EPPK1: variants seen among roughly 807,000 people sequenced by gnomAD.
EPPK1 encodes the protein epiplakin.
For synonymous variants in EPPK1, 1,862 were observed against 1,721.2 expected, an observed-to-expected ratio of 1.08 and a Z score of -2.03; for missense variants, 3,823 against 3,673.3, an observed-to-expected ratio of 1.04 and a Z score of -1.05.
chr8:143,868,843 C>A lies in EPPK1; in HGVS notation c.4411G>T (p.Asp1471Tyr). The part of the protein sequence containing the change: ...RFKGCSVSLW[D>Y]LLLSEYVGAD... Reference sequence around the variant, plus strand: ...CCAACGTATTCGGAGAGCAGCAGGTCCCAGAGTGACACGCTACACCCCTTA... The same window carrying A: ...CCAACGTATTCGGAGAGCAGCAGGTACCAGAGTGACACGCTACACCCCTTA... Residue 1471 changes from aspartate (D) to tyrosine (Y), a missense_variant, in exon 2 of 2, where the codon GAC becomes TAC. Transcript: ENST00000615648. 6.2e-7 allele frequency: 1 copy of A among 1,607,850 alleles called. No individual in the cohort carries two copies. Among genetic ancestry groups the A allele is most frequent in the Admixed American group, 1.7e-5 (1 of 59,932 alleles).
Position 143,868,888 on chromosome 8 carries a change from G to T in EPPK1, c.4366C>A (p.Pro1456Thr). The change falls in exon 2 of 2, where the codon CCC becomes ACC. Residue 1456 changes from proline (P) to threonine (T), a missense_variant. Transcript: ENST00000615648. Reference sequence around the variant, plus strand: ...CCCTTAAACCTCCCTGTGCTGACGGGCACCTTCATGGCCCTCAGAGCCACC... The same window carrying T: ...CCCTTAAACCTCCCTGTGCTGACGGTCACCTTCATGGCCCTCAGAGCCACC... ...TAVALRAMKV[P>T]VSTGRFKGCS... The T allele has an allele frequency of 6.2e-7, 1 of 1,610,846 alleles. No homozygotes were observed.
rs782567976 is a variant in EPPK1 at position 143,869,947 on chromosome 8, G to A, written c.3307C>T (p.Pro1103Ser). 7 of 1,608,548 alleles carry A rather than the reference G, an allele frequency of 4.4e-6. No homozygotes were observed. In the South Asian group the frequency reaches 7.8e-5, roughly 18 times the overall value. The change falls in exon 2 of 2, where the codon CCC becomes TCC. Residue 1103 changes from proline (P) to serine (S), a missense_variant. Transcript: ENST00000615648. ...TSYAQLLEEC[P>S]RDETSGLHLL... ...TGAAGGCCAGAAGTCTCATCCCTGG[G>A]GCACTCCTCCAGGAGCTGGGCATAG...
At position 143,870,882 on chromosome 8, in the gene EPPK1, G is replaced by A. The variant is rs560900428; in HGVS notation, c.2372C>T (p.Thr791Met). 31 of 1,612,990 alleles carry A rather than the reference G, an allele frequency of 1.9e-5. No individual in the cohort carries two copies. The highest frequency in any genetic ancestry group is 2.5e-5 in the Non-Finnish European group (30 of 1,179,990). The change falls in exon 2 of 2, where the codon ACG becomes ATG. Residue 791 changes from threonine (T) to methionine (M), a missense_variant. By Grantham distance (81) the Thr-to-Met change is moderately conservative. Transcript: ENST00000615648. This position sits in a 1 kb window ranked among gnomAD's most constrained non-coding sequence, Gnocchi z 5.2. The stretch of plus-strand genomic sequence containing the variant: ...GCTGAGTGGCAGGAGGTACAGGCCC[G>A]TCTCGGGGTCACGCACACAGCGCTC... ...LLERCVRDPE[T>M]GLYLLPLSST...
chr8:143,879,072 C>G (rs1819547744), upstream of EPPK1, among the ~76,000 whole-genome samples: 1 of 152,216 alleles, frequency 6.6e-6, no homozygotes, highest in South Asian at 2.1e-4. Flanking sequence ...CTCTGAAGCC[C>G]ATCCTGGCAC....
chr8:143,870,770 C>T lies in EPPK1; in HGVS notation c.2484G>A (p.Gly828=). The change falls in exon 2 of 2, where the codon GGG becomes GGA. Residue 828 remains glycine, a synonymous_variant. Transcript: ENST00000615648. This position sits in a 1 kb window ranked among gnomAD's most constrained non-coding sequence, Gnocchi z 5.2. ...LLSVKYGRFQ[G]QRVSAWELIN... ...TCAGCTCCCACGCGGAGACCCTCTG[C>T]CCCTGAAACCGTCCATACTTCACGG... is the stretch of plus-strand genomic sequence containing the variant. The T allele has an allele frequency of 2.5e-6, 4 of 1,612,646 alleles. No individual in the cohort carries two copies. The highest frequency in any genetic ancestry group is 3.4e-6 in the Non-Finnish European group (4 of 1,179,836).
chr8:143,877,344 G>A (rs907520787), intron 1 of EPPK1, among the ~76,000 whole-genome samples: 1 of 152,190 alleles, frequency 6.6e-6, no homozygotes. Context: ...GGCAGGGGGT[G>A]CAGCTTCGAG....
Position 143,868,751 on chromosome 8 carries a change from C to T in EPPK1, c.4503G>A (p.Val1501=). The T allele has an allele frequency of 6.3e-7, 1 of 1,585,146 alleles. No homozygotes were observed. The highest frequency in any genetic ancestry group is 8.5e-7 in the Non-Finnish European group (1 of 1,170,874). Residue 1501 remains valine (V), a synonymous_variant, in exon 2 of 2, where the codon GTG becomes GTA. Coordinates refer to ENST00000615648, the MANE Select transcript of EPPK1 (RefSeq NM_031308.4). ...CGACCAGGGTGGTGACTGCGCTGAC[C>T]ACCTGCCGCAGGGCCGCAGCCCTCC... is the stretch of plus-strand genomic sequence containing the variant. ...RSGRAAALRQ[V]VSAVTTLVEA...
chr8:143,868,234 G>A lies in EPPK1; in HGVS notation c.5020C>T (p.Arg1674Trp), dbSNP rs781997290. 83 of 1,613,198 alleles carry A rather than the reference G, an allele frequency of 5.1e-5. No homozygotes were observed. The highest frequency in any genetic ancestry group is 8.9e-5 in the East Asian group (4 of 44,882). Reference protein sequence around the residue: ...FQAMQKDLIVREHGIRLLEAQ... With the variant: ...FQAMQKDLIVWEHGIRLLEAQ... ...TCCAGCAGGCGGATGCCGTGCTCCC[G>A]GACGATGAGGTCCTTCTGCATGGCC... Residue 1674 changes from arginine to tryptophan, a missense_variant, in exon 2 of 2, where the codon CGG becomes TGG. Coordinates refer to ENST00000615648, the MANE Select transcript of EPPK1 (RefSeq NM_031308.4).
At position 143,866,564 on chromosome 8, in the gene EPPK1, C is replaced by T; in HGVS notation, c.6690G>A (p.Leu2230=). Residue 2230 remains leucine (L), a synonymous_variant, in exon 2 of 2, where the codon CTG becomes CTA. Coordinates refer to ENST00000615648, the MANE Select transcript of EPPK1 (RefSeq NM_031308.4). ...GGCCGGGCTGGTCCTTGGCGGGCAC[C>T]AGGACGCCCGCGATGCAGCTGGTGC... is the stretch of plus-strand genomic sequence containing the variant. The part of the protein sequence containing the change: ...LEGTSCIAGV[L]VPAKDQPGRQ... 1 of 1,607,936 alleles carries T rather than the reference C, an allele frequency of 6.2e-7. No homozygotes were observed. The highest frequency in any genetic ancestry group is 8.5e-7 in the Non-Finnish European group (1 of 1,177,642).
At position 143,868,497 on chromosome 8, in the gene EPPK1, C is replaced by T. The variant is rs1819218912; in HGVS notation, c.4757G>A (p.Ser1586Asn). Residue 1586 changes from serine (S) to asparagine (N), a missense_variant, in exon 2 of 2, where the codon AGC becomes AAC. Coordinates refer to ENST00000615648, the MANE Select transcript of EPPK1 (RefSeq NM_031308.4). ...GTGCCTCCTCAGGGCCTCTGGGATG[C>T]TCATCCTCTCCTGGGTGCCCTGGAT... ...VLIQGTQERM[S>N]IPEALRRHIL... is the part of the protein sequence containing the mutation. 1 of 1,610,762 alleles carries T rather than the reference C, an allele frequency of 6.2e-7. No homozygotes were observed. The highest frequency in any genetic ancestry group is 8.5e-7 in the Non-Finnish European group (1 of 1,179,198).
chr8:143,866,920 C>T lies in EPPK1; in HGVS notation c.6334G>A (p.Val2112Met), dbSNP rs782626446. 1.9e-6 allele frequency: 3 copies of T among 1,612,898 alleles called. No individual in the cohort carries two copies. The highest frequency in any genetic ancestry group is 2.5e-6 in the Non-Finnish European group (3 of 1,179,886). ...GGTTTCTGGCCTCTGAACCTTCCCA[C>T]TGTGATTTCCACTTGCTCTGCCTCC... ...ALEAEQVEITVGRFRGQKPTL... is the reference protein window; with the variant it reads ...ALEAEQVEITMGRFRGQKPTL... Residue 2112 changes from valine (V) to methionine (M), a missense_variant, in exon 2 of 2, where the codon GTG becomes ATG. By Grantham distance (21) the Val-to-Met change is conservative. Coordinates refer to ENST00000615648, the MANE Select transcript of EPPK1 (RefSeq NM_031308.4).
At position 143,873,051 on chromosome 8, in the gene EPPK1, G is replaced by T; in HGVS notation, c.203C>A (p.Ala68Asp). The change falls in exon 2 of 2, where the codon GCT becomes GAT. Residue 68 changes from alanine (A) to aspartate (D), a missense_variant. Ala to Asp is a moderately radical substitution (Grantham distance 126, BLOSUM62 -2). Coordinates refer to ENST00000615648, the MANE Select transcript of EPPK1 (RefSeq NM_031308.4). ...YAAMEQGLLP[A>D]GLGQALLEAQ... The stretch of plus-strand genomic sequence containing the variant: ...CTCTAGCAGAGCCTGCCCGAGCCCA[G>T]CAGGCAGGAGGCCCTGCTCCATGGC... 6.4e-7 allele frequency: 1 copy of T among 1,562,918 alleles called. No individual in the cohort carries two copies. The highest frequency in any genetic ancestry group is 8.7e-7 in the Non-Finnish European group (1 of 1,153,846).
Position 143,866,738 on chromosome 8 carries a change from C to A in EPPK1, c.6516G>T (p.Leu2172=). The change falls in exon 2 of 2, where the codon CTG becomes CTT. Residue 2172 remains leucine (L), a synonymous_variant. Transcript: ENST00000615648. ...IEKQETSNKH[L]WFQGIRRQIT... ...TCTGTCGTCTAATTCCTTGGAACCA[C>A]AGGTGTTTGTTGCTGGTTTCCTGCT... 1.2e-6 allele frequency: 2 copies of A among 1,613,474 alleles called. No homozygotes were observed. The highest frequency in any genetic ancestry group is 1.7e-6 in the Non-Finnish European group (2 of 1,179,866).
Position 143,866,338 on chromosome 8 carries a change from C to T in EPPK1, c.6916G>A (p.Ala2306Thr), listed in dbSNP as rs1479280895. 5.3e-5 allele frequency: 26 copies of T among 490,910 alleles called. No individual in the cohort carries two copies. The highest frequency in any genetic ancestry group is 8.5e-5 in the African/African-American group (2 of 23,416). 30.4% of individuals were successfully genotyped at this position (490,910 alleles called of 1,614,324 possible). The change falls in exon 2 of 2, where the codon GCC becomes ACC. Residue 2306 changes from alanine (A) to threonine (T), a missense_variant. By Grantham distance (58) the Ala-to-Thr change is moderately conservative. Transcript: ENST00000615648. Reference sequence around the variant, plus strand: ...TAGGGGTCGGTGTAGCCGGTGACGGCGCGCTCGGCCGACAGCAGCTTCTCC... The same window carrying T: ...TAGGGGTCGGTGTAGCCGGTGACGGTGCGCTCGGCCGACAGCAGCTTCTCC... ...IQEKLLSAER[A>T]VTGYTDPYTG...
intron 1 of EPPK1, among the ~76,000 whole-genome samples, chr8:143,873,753 CT>C (rs2130654569): frequency 1.7e-5 from 1 of 59,342 alleles, no homozygotes; most frequent in Non-Finnish European, 6.4e-5. Flanking sequence ...ATCTCCCCAC[CT>C]TTTGTTCTCC....
chr8:143,868,052 G>T lies in EPPK1; in HGVS notation c.5202C>A (p.His1734Gln), dbSNP rs200173209. 6.2e-7 allele frequency: 1 copy of T among 1,613,648 alleles called. No individual in the cohort carries two copies. Among genetic ancestry groups the T allele is most frequent in the Non-Finnish European group, 8.5e-7 (1 of 1,180,028 alleles). The change falls in exon 2 of 2, where the codon CAC (histidine) becomes CAA (glutamine). Residue 1734 changes from histidine (H) to glutamine (Q), a missense_variant. Coordinates refer to ENST00000615648, the MANE Select transcript of EPPK1 (RefSeq NM_031308.4). ...DTKGFFDPNTHENLTYLQLLE... is the reference protein window; with the variant it reads ...DTKGFFDPNTQENLTYLQLLE... The stretch of plus-strand genomic sequence containing the variant: ...GAAGCTGCAGGTACGTGAGGTTCTC[G>T]TGCGTGTTGGGGTCGAAGAAGCCCT...
Position 143,866,883 on chromosome 8 carries a change from G to A in EPPK1, c.6371C>T (p.Ala2124Val). 1 of 1,613,160 alleles carries A rather than the reference G, an allele frequency of 6.2e-7. No individual in the cohort carries two copies. Among genetic ancestry groups the A allele is most frequent in the Non-Finnish European group, 8.5e-7 (1 of 1,179,880 alleles). ...TGTCACGTATTCGGAATTCAGTAGT[G>A]CCCACAGTGTTGGTTTCTGGCCTCT... ...RFRGQKPTLW[A>V]LLNSEYVTEE... The change falls in exon 2 of 2, where the codon GCA becomes GTA. Residue 2124 changes from alanine (A) to valine (V), a missense_variant. Transcript: ENST00000615648.
At position 143,869,891 on chromosome 8, in the gene EPPK1, G is replaced by T. The variant is rs782323565; in HGVS notation, c.3363C>A (p.Ala1121=). Residue 1121 remains alanine, a synonymous_variant, in exon 2 of 2, where the codon GCC becomes GCA. Transcript: ENST00000615648. ...TCTGGACCTGCTCCTCGGTGGGGAG[G>T]GCAGGAGCACTTTCTGGCAGGGGCA... ...HLLPLPESAP[A]LPTEEQVQRS... 6.2e-7 allele frequency: 1 copy of T among 1,607,856 alleles called. No homozygotes were observed. Among genetic ancestry groups the T allele is most frequent in the East Asian group, 2.2e-5 (1 of 44,754 alleles).
chr8:143,869,567 G>T lies in EPPK1; in HGVS notation c.3687C>A (p.Pro1229=). 6.4e-7 allele frequency: 1 copy of T among 1,559,006 alleles called. No homozygotes were observed. Among genetic ancestry groups the T allele is most frequent in the Non-Finnish European group, 8.7e-7 (1 of 1,153,694 alleles). Residue 1229 remains proline, a synonymous_variant, in exon 2 of 2, where the codon CCC becomes CCA. Coordinates refer to ENST00000615648, the MANE Select transcript of EPPK1 (RefSeq NM_031308.4). ...CCGCCGGCTGCTCGGCGACCTGGGCGGGCGACTGCGTGCCCTGAGCCAGGG... is the reference window on the plus strand; with the variant it reads ...CCGCCGGCTGCTCGGCGACCTGGGCTGGCGACTGCGTGCCCTGAGCCAGGG... The part of the protein sequence containing the change: ...LEALAQGTQS[P]AQVAEQPAVK...
Sources: allele counts gnomAD v4.1 joint callset (sites outside exome capture counted in the v4.1 genomes callset), GRCh38; gene constraint gnomAD v4.1.1; non-coding constraint Gnocchi (gnomAD v3.1); transcripts MANE v1.5; gene names NCBI Gene and HGNC (gene_info 2026-07-23, HGNC 2026-07-21).